The following CCL1 variants were observed in gnomAD, a reference collection of about 807,000 sequenced individuals.
The protein encoded by CCL1 is C-C motif chemokine ligand 1.
Under a neutral mutation model 7.5 loss-of-function variants are expected in CCL1, and 9 were observed. The observed-to-expected ratio is 1.20, with a 90% CI of 0.72 to 2.09. CCL1 has a LOEUF of 2.09. CCL1 is among the 30% of genes most tolerant of loss of function. CCL1 has a pLI of 0.00. For missense variants in CCL1, 110 were observed against 113.7 expected (o/e 0.97, Z 0.15); for synonymous variants, 48 against 44.7 (o/e 1.07, Z -0.30).
rs73988390 is a variant in CCL1, at chr17:34,362,828, G to T, written c.76+258C>A. Among the ~76,000 whole-genome samples the T allele has an allele frequency of 5.8e-3, 877 of 151,900 alleles. 13 individuals are homozygous for T. Among genetic ancestry groups the T allele is most frequent in the African/African-American group, 0.02 (842 of 41,464 alleles). ...CAGCTTTACCCGAGTAACCTCACAG[G>T]TTCCCTTCCTTGGGTCTGGATGAAG... is the stretch of plus-strand genomic sequence containing the variant. On this transcript the variant is annotated intron_variant, in intron 1 of 2. Coordinates refer to ENST00000225842, the MANE Select transcript of CCL1 (RefSeq NM_002981.2).
chr17:34,363,163 T>A lies in CCL1; in HGVS notation c.-2A>T. On this transcript the variant is annotated 5_prime_UTR_variant, in exon 1 of 3. Coordinates refer to ENST00000225842, the MANE Select transcript of CCL1 (RefSeq NM_002981.2). ...CAGGGCTGTGGTGATGATCTGCATG[T>A]CTTCTGGTCTGGCTTGGGCCTTCCT... 3.1e-6 allele frequency: 5 copies of A among 1,613,772 alleles called. No individual in the cohort carries two copies. Among genetic ancestry groups the A allele is most frequent in the Non-Finnish European group, 4.2e-6 (5 of 1,180,004 alleles).
At position 34,360,459 on chromosome 17, in the gene CCL1, AC is replaced by A; in HGVS notation, c.*99del. The A allele has an allele frequency of 1.1e-6, 1 of 887,252 alleles. No individual in the cohort carries two copies. The highest frequency in any genetic ancestry group is 1.9e-6 in the Non-Finnish European group (1 of 523,010). The allele number at this position is 887,252 out of a possible 1,614,324, so 55.0% of individuals were successfully genotyped here. ...ATCAAGACCAAGCAGATCCTCTGTG[AC>A]CTAGCAAAAGCAGGGCAGAAGGAAT... On this transcript the variant is annotated 3_prime_UTR_variant, in exon 3 of 3. Coordinates refer to ENST00000225842, the MANE Select transcript of CCL1 (RefSeq NM_002981.2).
At chr17:34,361,077 TGTGG>T (rs1458858613) in intron 2 of CCL1, among the ~76,000 whole-genome samples, 1 of 151,970 alleles carries the variant, frequency 6.6e-6, no homozygotes, top group African/African-American at 2.4e-5. Context: ...CTTGTGTGTG[TGTGG>T]GTGTGTGTAT....
rs1166012418 is a variant in CCL1 at position 34,361,891 on chromosome 17, C to G, written c.82G>C (p.Val28Leu). ...GAGAAGCAACATCTGGAGAAGGGTA[C>G]CTGCACTAGAAGAGGAACACAGACG... ...PEDVDSKSMQ[V>L]PFSRCCFSFA... Residue 28 changes from valine to leucine, a missense_variant, in exon 2 of 3, where the codon GTA (valine) becomes CTA (leucine). Val to Leu is a conservative substitution (Grantham distance 32). Coordinates refer to ENST00000225842, the MANE Select transcript of CCL1 (RefSeq NM_002981.2). 1.9e-6 allele frequency: 3 copies of G among 1,602,760 alleles called. No homozygotes were observed. The highest frequency in any genetic ancestry group is 3.3e-5 in the Admixed American group (2 of 59,954).
intron 1 of CCL1, 56 bp from the exon 2 acceptor site, chr17:34,361,952 GCACAATTT>G: frequency 8.6e-7 from 1 of 1,163,824 alleles, no homozygotes; most frequent in Non-Finnish European, 1.3e-6. Flanking sequence ...CTCACCTGTA[GCACAATTT>G]TTAAAAAACA....
In CCL1 at chr17:34,360,597, T is replaced by G; in HGVS notation, c.253A>C (p.Arg85=). The part of the protein sequence containing the change: ...LDTVGWVQRH[R]KMLRHCPSKR... ...GACGGGCAGTGCCTCAGCATTTTTC[T>G]GTGCCTCTGAACCCATCCAACTGTG... Residue 85 remains arginine, a synonymous_variant, in exon 3 of 3, where the codon AGA becomes CGA. Coordinates refer to ENST00000225842, the MANE Select transcript of CCL1 (RefSeq NM_002981.2). The G allele has an allele frequency of 6.2e-7, 1 of 1,613,914 alleles. No individual in the cohort carries two copies. Among genetic ancestry groups the G allele is most frequent in the Non-Finnish European group, 8.5e-7 (1 of 1,179,974 alleles).
rs1346068115 is a variant in CCL1, at chr17:34,360,650, T to G, written c.200A>C (p.Lys67Thr). 6.2e-7 allele frequency: 1 copy of G among 1,612,864 alleles called. No homozygotes were observed. Residue 67 changes from lysine to threonine, a missense_variant, in exon 3 of 3, where the codon AAG (lysine) becomes ACG (threonine). Physicochemically the swap from Lys to Thr is moderately conservative, Grantham distance 78. Coordinates refer to ENST00000225842, the MANE Select transcript of CCL1 (RefSeq NM_002981.2). ...CSNEGLIFKL[K>T]RGKEACALDT... ...CAAGGCGCAGGCCTCTTTGCCTCTCTTCAGCTTGAATCTGTGAACAGAGAA... is the reference window on the plus strand; with the variant it reads ...CAAGGCGCAGGCCTCTTTGCCTCTCGTCAGCTTGAATCTGTGAACAGAGAA...
rs1198395137 is a variant in CCL1, at chr17:34,362,416, C to T, written c.77-520G>A. ...CAAGGGAAGAGCTCCCAGGAACTAG[C>T]TAGCTGCCCTACTCAGTCTCTTGAA... On this transcript the variant is annotated intron_variant, in intron 1 of 2. Coordinates refer to ENST00000225842, the MANE Select transcript of CCL1 (RefSeq NM_002981.2). Among the ~76,000 whole-genome samples the T allele has an allele frequency of 4.6e-5, 7 of 152,124 alleles. No homozygotes were observed. The East Asian group carries it at 1.4e-3, about 29-fold the overall frequency.
In CCL1 at chr17:34,363,077, C is replaced by A; in HGVS notation, c.76+9G>T. 2 of 1,611,468 alleles carry A rather than the reference C, an allele frequency of 1.2e-6. No homozygotes were observed. The highest frequency in any genetic ancestry group is 1.6e-4 in the Middle Eastern group (1 of 6,062). ...CAGAGAGAAGCAAAATGATGCCTGC[C>A]ACACTCACTGCTCTTGCTGTCCACA... On this transcript the variant is annotated intron_variant, in intron 1 of 2. Coordinates refer to ENST00000225842, the MANE Select transcript of CCL1 (RefSeq NM_002981.2).
In CCL1 at chr17:34,362,584, C is replaced by G. The variant is rs543048775; in HGVS notation, c.76+502G>C. 2.6e-5 allele frequency among the ~76,000 whole-genome samples: 4 copies of G among 152,264 alleles called. No homozygotes were observed. The South Asian group carries it at 8.3e-4, about 32-fold the overall frequency. ...TCCTCCTAGTTTTTCTGTTTGCACCCCCTTTCATGCCTCTTACTAGGTTGG... is the reference window on the plus strand; with the variant it reads ...TCCTCCTAGTTTTTCTGTTTGCACCGCCTTTCATGCCTCTTACTAGGTTGG... On this transcript the variant is annotated intron_variant, in intron 1 of 2. Coordinates refer to ENST00000225842, the MANE Select transcript of CCL1 (RefSeq NM_002981.2).
At chr17:34,362,575 G>T (rs1316889280) in intron 1 of CCL1, among the ~76,000 whole-genome samples, 1 of 151,982 alleles carries the variant, frequency 6.6e-6, no homozygotes, top group Non-Finnish European at 1.5e-5. Flanking sequence ...TAGTTTTTCT[G>T]TTTGCACCCC....
At chr17:34,360,916 G>C (rs1910489495) in intron 2 of CCL1, among the ~76,000 whole-genome samples, 1 of 152,120 alleles carries the variant, frequency 6.6e-6, no homozygotes, top group Non-Finnish European at 1.5e-5. Context: ...GGGTGGGGCT[G>C]AACAGCCTGA....
Position 34,363,213 on chromosome 17 carries a change from A to T in CCL1, c.-52T>A. 6.4e-7 allele frequency: 1 copy of T among 1,562,002 alleles called. No individual in the cohort carries two copies. Among genetic ancestry groups the T allele is most frequent in the South Asian group, 1.1e-5 (1 of 89,742 alleles). ...TGGAGCAGCTTTGATGAGCCTGGTG[A>T]AGCTAAGAGCTCACCACTGTGCCGT... On this transcript the variant is annotated 5_prime_UTR_variant, in exon 1 of 3. Coordinates refer to ENST00000225842, the MANE Select transcript of CCL1 (RefSeq NM_002981.2).
intron 1 of CCL1, 101 bp downstream of exon 1, chr17:34,362,985 A>G: frequency 9.9e-7 from 1 of 1,009,712 alleles, no homozygotes; most frequent in Non-Finnish European, 1.5e-6. Flanking sequence ...GAGGGGAGAT[A>G]GAGTTGGTGA....
intron 2 of CCL1, 63 bp downstream of exon 2, chr17:34,361,722 C>T (rs1910511217): frequency 9.1e-7 from 1 of 1,103,310 alleles, no homozygotes; most frequent in Non-Finnish European, 1.4e-6. Flanking sequence ...AGTGTCTACT[C>T]TTGTAATTCC....
At position 34,360,448 on chromosome 17, in the gene CCL1, G is replaced by A; in HGVS notation, c.*111C>T. The A allele has an allele frequency of 2.4e-6, 2 of 817,658 alleles. No individual in the cohort carries two copies. Among genetic ancestry groups the A allele is most frequent in the Non-Finnish European group, 4.3e-6 (2 of 467,322 alleles). The allele number at this position is 817,658 out of a possible 1,614,324, so 50.7% of individuals were successfully genotyped here. On this transcript the variant is annotated 3_prime_UTR_variant, in exon 3 of 3. Transcript: ENST00000225842. Reference sequence around the variant, plus strand: ...CAACATAGCTTATCAAGACCAAGCAGATCCTCTGTGACCTAGCAAAAGCAG... The same window carrying A: ...CAACATAGCTTATCAAGACCAAGCAAATCCTCTGTGACCTAGCAAAAGCAG...
chr17:34,362,648 T>A (rs1488775864), intron 1 of CCL1, among the ~76,000 whole-genome samples: 1 of 152,110 alleles, frequency 6.6e-6, no homozygotes, highest in Non-Finnish European at 1.5e-5. Flanking sequence ...CATCATCAAC[T>A]CCATTTCACT....
chr17:34,362,760 T>G (rs1910538957), intron 1 of CCL1, among the ~76,000 whole-genome samples: 1 of 152,198 alleles, frequency 6.6e-6, no homozygotes, highest in Non-Finnish European at 1.5e-5. Flanking sequence ...TCTGTCACAC[T>G]GTAGAAGCTA....
intron 2 of CCL1, 108 bp from the exon 3 acceptor site, chr17:34,360,769 C>T (rs543706432): frequency 1.2e-6 from 1 of 805,718 alleles, no homozygotes; most frequent in Non-Finnish European, 2.1e-6. Flanking sequence ...ACTGCTCTTG[C>T]TAGGCCTTGG....
Sources: allele counts gnomAD v4.1 joint callset (sites outside exome capture counted in the v4.1 genomes callset), GRCh38; gene constraint gnomAD v4.1.1; transcripts MANE v1.5; gene names NCBI Gene and HGNC (gene_info 2026-07-23, HGNC 2026-07-21).